Variants in AKAP7 observed in about 807,000 individuals in gnomAD.
The protein encoded by AKAP7 is A kinase (PRKA) anchor protein 7.
AKAP7 carries 39 observed loss-of-function variants against 39.5 expected under a neutral mutation model. The observed-to-expected ratio is 0.99, with a 90% CI of 0.76 to 1.29. The LOEUF is 1.29. Among genes scored for constraint, AKAP7 ranks in the 50% most tolerant of loss-of-function variants. The pLI, the probability that AKAP7 is intolerant of heterozygous loss-of-function variation, is 0.00. For synonymous variants in AKAP7, 140 were observed against 139.1 expected (o/e 1.01, Z -0.05); for missense variants, 414 against 407.7 (o/e 1.02, Z -0.13).
Position 131,270,217 on chromosome 6 carries a change from C to A in AKAP7, c.851-11313C>A, listed in dbSNP as rs192667271. Among the ~76,000 whole-genome samples, 4 of 152,306 alleles carry A rather than the reference C, an allele frequency of 2.6e-5. No individual in the cohort carries two copies. In the East Asian group the frequency reaches 5.8e-4, roughly 22 times the overall value. On this transcript the variant is annotated intron_variant, in intron 7 of 7. Transcript: ENST00000431975. ...CATCACTCTCCAAAATTCTCTCATG[C>A]CCTTTTATAGTCAACCCTTCCTGTT...
At chr6:131,130,984 A>G (rs1044835918), upstream of AKAP7, among the ~76,000 whole-genome samples, 7 of 152,244 alleles carry the variant, frequency 4.6e-5, no homozygotes, top group Non-Finnish European at 8.8e-5. Flanking sequence ...TTTAGATGTT[A>G]AAGTTAATGT....
intron 7 of AKAP7, among the ~76,000 whole-genome samples, chr6:131,249,407 C>T (rs1351584782): frequency 1.3e-5 from 2 of 152,042 alleles, no homozygotes; most frequent in South Asian, 2.1e-4. Flanking sequence ...TTCCATGCTG[C>T]AGGCTCTTTT....
rs1465782847 is a variant in AKAP7, at chr6:131,283,380, C to T, written c.*1654C>T. Reference sequence around the variant, plus strand: ...GAGTAGATCATGATGGAGGGGAAATCACTGGAGATCAAATATGTAAAATCA... The same window carrying T: ...GAGTAGATCATGATGGAGGGGAAATTACTGGAGATCAAATATGTAAAATCA... On this transcript the variant is annotated 3_prime_UTR_variant, in exon 8 of 8. Coordinates refer to ENST00000431975, the MANE Select transcript of AKAP7 (RefSeq NM_016377.4). 3 of 152,550 alleles carry T rather than the reference C, an allele frequency of 2.0e-5. No individual in the cohort carries two copies. The highest frequency in any genetic ancestry group is 4.4e-5 in the Non-Finnish European group (3 of 68,034). The allele number at this position is 152,550 out of a possible 1,614,324, so 9.4% of individuals were successfully genotyped here. A position where few individuals can be genotyped will look rare whatever the true frequency, so the allele number is the denominator to read the frequency against.
chr6:131,170,334 A>G lies in AKAP7; in HGVS notation c.589+1061A>G, dbSNP rs79463884. On this transcript the variant is annotated intron_variant, in intron 5 of 7. Transcript: ENST00000431975. The stretch of plus-strand genomic sequence containing the variant: ...AGAAAAAAAAAAGAAACAATCATCT[A>G]TAGGAATGAATAGAGCAGAATCTGG... Among the ~76,000 whole-genome samples the G allele has an allele frequency of 0.011, 1,647 of 151,902 alleles. 100 individuals carry two copies. In the East Asian group the frequency reaches 0.16, roughly 15 times the overall value.
At chr6:131,189,863 A>G (rs1389797961) in intron 5 of AKAP7, among the ~76,000 whole-genome samples, 1 of 152,182 alleles carries the variant, frequency 6.6e-6, no homozygotes, top group Non-Finnish European at 1.5e-5. Context: ...TGACTTTTTG[A>G]AGGATATCTG....
chr6:131,278,361 C>A (rs1814917630), intron 7 of AKAP7, among the ~76,000 whole-genome samples: 1 of 152,128 alleles, frequency 6.6e-6, no homozygotes, highest in South Asian at 2.1e-4. Context: ...CCTTATAGAT[C>A]CTCAGTACAC....
chr6:131,174,416 C>A (rs1202621795), intron 5 of AKAP7, among the ~76,000 whole-genome samples: 1 of 152,166 alleles, frequency 6.6e-6, no homozygotes, highest in African/African-American at 2.4e-5. Flanking sequence ...TATTTTACTT[C>A]TTTAGATATA....
At chr6:131,151,848 GA>G (rs1300092143) in intron 2 of AKAP7, among the ~76,000 whole-genome samples, 2 of 152,088 alleles carry the variant, frequency 1.3e-5, no homozygotes, top group Non-Finnish European at 2.9e-5. Flanking sequence ...TAAATAACAA[GA>G]AAAAATAAAA....
At chr6:131,191,814 T>C (rs1806431467) in intron 5 of AKAP7, among the ~76,000 whole-genome samples, 1 of 151,744 alleles carries the variant, frequency 6.6e-6, no homozygotes, top group Non-Finnish European at 1.5e-5. Flanking sequence ...TCATGGCCTT[T>C]CAGCCTGCCT....
rs539271525 is a variant in AKAP7 at position 131,136,229 on chromosome 6, T to A, written c.19+447T>A. On this transcript the variant is annotated intron_variant, in intron 1 of 7. Transcript: ENST00000431975. ...GTCTCATTTAGGATTTTCTGCCAGGTTTGGACATGACCGCTTTTAAAACTG... is the reference window on the plus strand; with the variant it reads ...GTCTCATTTAGGATTTTCTGCCAGGATTGGACATGACCGCTTTTAAAACTG... Among the ~76,000 whole-genome samples the A allele has an allele frequency of 2.6e-5, 4 of 152,254 alleles. No homozygotes were observed. The South Asian group carries it at 8.3e-4, about 32-fold the overall frequency.
chr6:131,233,793 C>T (rs1183573220), intron 7 of AKAP7, among the ~76,000 whole-genome samples: 1 of 152,148 alleles, frequency 6.6e-6, no homozygotes, highest in African/African-American at 2.4e-5. Context: ...GTTATCTAAT[C>T]TGGAGGTCTG....
At chr6:131,276,753 C>A (rs140508627) in intron 7 of AKAP7, among the ~76,000 whole-genome samples, 29 of 152,188 alleles carry the variant, frequency 1.9e-4, no homozygotes, top group African/African-American at 7.0e-4. Flanking sequence ...GGTTGCACTC[C>A]ATCTTAAACT....
At chr6:131,247,386 C>T (rs1181764768) in intron 7 of AKAP7, among the ~76,000 whole-genome samples, 2 of 137,954 alleles carry the variant, frequency 1.4e-5, no homozygotes, top group Non-Finnish European at 3.1e-5. Flanking sequence ...AGTGCAGTGG[C>T]ATGATCTCAG....
At chr6:131,159,713 T>C (rs1449243754) in intron 2 of AKAP7, among the ~76,000 whole-genome samples, 1 of 152,254 alleles carries the variant, frequency 6.6e-6, no homozygotes, top group African/African-American at 2.4e-5. Context: ...TTATGAACAT[T>C]GTGGTGCCGG....
chr6:131,156,554 A>G (rs1029289745), intron 2 of AKAP7, among the ~76,000 whole-genome samples: 3 of 152,000 alleles, frequency 2.0e-5, no homozygotes, highest in Non-Finnish European at 4.4e-5. Context: ...TGGGAGGATC[A>G]TTTGAGCCCC....
chr6:131,150,583 C>T (rs1437815100), intron 2 of AKAP7, among the ~76,000 whole-genome samples: 1 of 152,078 alleles, frequency 6.6e-6, no homozygotes, highest in Non-Finnish European at 1.5e-5. Flanking sequence ...CCCCAAATAA[C>T]ATAAATGATT....
chr6:131,217,809 G>C (rs72991595), intron 6 of AKAP7, among the ~76,000 whole-genome samples: 7 of 152,280 alleles, frequency 4.6e-5, no homozygotes, highest in African/African-American at 7.2e-5. Flanking sequence ...AGTCGGTGCT[G>C]CACTGGTTTC....
intron 5 of AKAP7, among the ~76,000 whole-genome samples, chr6:131,181,581 A>G (rs960585570): frequency 6.6e-6 from 1 of 152,144 alleles, no homozygotes; most frequent in South Asian, 2.1e-4. Flanking sequence ...TTACTGTTGG[A>G]TCTAGGATAA....
At position 131,189,000 on chromosome 6, in the gene AKAP7, A is replaced by G. The variant is rs371690947; in HGVS notation, c.590-10461A>G. Among the ~76,000 whole-genome samples the G allele has an allele frequency of 3.9e-5, 6 of 152,354 alleles. No individual in the cohort carries two copies. The South Asian group carries it at 1.0e-3, about 26-fold the overall frequency. ...ATACATTTAACCTACCTGAAAATATAGCTTAGTCTAGCCTACCTTGAATGT... is the reference window on the plus strand; with the variant it reads ...ATACATTTAACCTACCTGAAAATATGGCTTAGTCTAGCCTACCTTGAATGT... On this transcript the variant is annotated intron_variant, in intron 5 of 7. Transcript: ENST00000431975.
Sources: allele counts gnomAD v4.1 joint callset (sites outside exome capture counted in the v4.1 genomes callset), GRCh38; gene constraint gnomAD v4.1.1; transcripts MANE v1.5; gene names NCBI Gene and HGNC (gene_info 2026-07-23, HGNC 2026-07-21).